Variants in PLCB1 observed in about 807,000 individuals in gnomAD.
The protein encoded by PLCB1 is 1-phosphatidylinositol 4,5-bisphosphate phosphodiesterase beta-1.
PLCB1 carries 46 observed loss-of-function variants against 161.8 expected under a neutral mutation model. The ratio of observed to expected loss-of-function variants is 0.28; its 90% CI spans 0.22 to 0.36. PLCB1 has a LOEUF of 0.36. PLCB1 is among the 10% of genes least tolerant of loss of function. The pLI is 1.00. For synonymous variants in PLCB1, 517 were observed against 503.7 expected, an observed-to-expected ratio of 1.03 and a Z score of -0.35; for missense variants, 1,016 against 1,472.5, an observed-to-expected ratio of 0.69 and a Z score of 5.07.
chr20:8,476,890 C>G (rs981195011), intron 3 of PLCB1, among the ~76,000 whole-genome samples: 10 of 152,072 alleles, frequency 6.6e-5, no homozygotes, highest in African/African-American at 2.4e-4. Context: ...GGCTCCCACC[C>G]CATCATATAG....
At chr20:8,572,425 G>A (rs1986551050) in intron 3 of PLCB1, among the ~76,000 whole-genome samples, 1 of 152,148 alleles carries the variant, frequency 6.6e-6, no homozygotes. Flanking sequence ...AGGATTATTG[G>A]TGTTTCATGT....
chr20:8,619,390 G>A (rs922951575), intron 3 of PLCB1, among the ~76,000 whole-genome samples: 2 of 151,146 alleles, frequency 1.3e-5, no homozygotes, highest in Non-Finnish European at 2.9e-5. Context: ...CGGCACTCCA[G>A]CCTGGGCGAC....
chr20:8,261,118 C>G lies in PLCB1; in HGVS notation c.178-110264C>G, dbSNP rs910118542. On this transcript the variant is annotated intron_variant, in intron 2 of 31. Transcript: ENST00000338037. ...GTCAAGCTCCTTCTACTGCCCCCTT[C>G]TGCTTCTCTTGATCTTTTAGAGGGT... 4.8e-4 allele frequency among the ~76,000 whole-genome samples: 73 copies of G among 152,172 alleles called. 1 individual carries two copies. The highest frequency in any genetic ancestry group is 1.7e-3 in the African/African-American group (71 of 41,436).
intron 27 of PLCB1, among the ~76,000 whole-genome samples, chr20:8,784,601 T>C (rs891249084): frequency 1.1e-4 from 17 of 150,176 alleles, no homozygotes; most frequent in African/African-American, 4.1e-4. Context: ...GAGGTGGGGC[T>C]GTGTAGTAAG....
intron 4 of PLCB1, among the ~76,000 whole-genome samples, chr20:8,636,755 T>C (rs1988774774): frequency 6.6e-6 from 1 of 152,140 alleles, no homozygotes. Flanking sequence ...AAACAATTAA[T>C]GTCAAACTGA....
intron 26 of PLCB1, among the ~76,000 whole-genome samples, chr20:8,771,437 G>A (rs563955379): frequency 6.6e-6 from 1 of 152,152 alleles, no homozygotes; most frequent in African/African-American, 2.4e-5. Context: ...CTTGAACACT[G>A]AATTCAGCTC....
chr20:8,484,401 G>A (rs189758061), intron 3 of PLCB1, among the ~76,000 whole-genome samples: 9 of 146,608 alleles, frequency 6.1e-5, no homozygotes, highest in East Asian at 2.0e-4. Context: ...TCCCTCTGTC[G>A]TCCAGGCTGG....
intron 12 of PLCB1, among the ~76,000 whole-genome samples, chr20:8,712,794 C>G (rs930017211): frequency 2.0e-5 from 3 of 152,188 alleles, no homozygotes; most frequent in Non-Finnish European, 4.4e-5. Flanking sequence ...ACCTCTGCCC[C>G]AGACGCTCAC....
intron 31 of PLCB1, among the ~76,000 whole-genome samples, chr20:8,828,449 A>T (rs1190596658): frequency 6.6e-6 from 1 of 152,194 alleles, no homozygotes; most frequent in East Asian, 1.9e-4. Context: ...GACAATGGAA[A>T]ATTATTTTGC....
At chr20:8,147,705 A>G (rs1177141035) in intron 1 of PLCB1, among the ~76,000 whole-genome samples, 1 of 152,166 alleles carries the variant, frequency 6.6e-6, no homozygotes, top group African/African-American at 2.4e-5. Context: ...GGGAGCCGAG[A>G]TAAATGATCA....
At chr20:8,634,635 A>C (rs189055054) in intron 4 of PLCB1, among the ~76,000 whole-genome samples, 7 of 152,358 alleles carry the variant, frequency 4.6e-5, no homozygotes, top group Admixed American at 3.3e-4. Flanking sequence ...TCATCTGCAT[A>C]AGAATGGCCT....
At chr20:8,462,088 A>G (rs903015341) in intron 3 of PLCB1, among the ~76,000 whole-genome samples, 5 of 152,090 alleles carry the variant, frequency 3.3e-5, no homozygotes, top group Non-Finnish European at 5.9e-5. Flanking sequence ...ATATAAACGT[A>G]TATATGTATT....
chr20:8,285,896 C>T (rs1360553269), intron 2 of PLCB1, among the ~76,000 whole-genome samples: 2 of 152,194 alleles, frequency 1.3e-5, no homozygotes, highest in South Asian at 2.1e-4. Flanking sequence ...TTTCTCTTCT[C>T]ACTAATATTT....
intron 31 of PLCB1, among the ~76,000 whole-genome samples, chr20:8,827,405 A>AT (rs1378992629): frequency 1.3e-5 from 2 of 152,184 alleles, no homozygotes; most frequent in Non-Finnish European, 2.9e-5. Context: ...AAAGGAAAGG[A>AT]TTTAGGGGTC....
intron 3 of PLCB1, among the ~76,000 whole-genome samples, chr20:8,453,121 G>A (rs1981147292): frequency 6.6e-6 from 1 of 152,134 alleles, no homozygotes; most frequent in African/African-American, 2.4e-5. Flanking sequence ...CTTTGTTTCT[G>A]GCATCGCATC....
chr20:8,576,407 A>G (rs1442504646), intron 3 of PLCB1, among the ~76,000 whole-genome samples: 1 of 152,206 alleles, frequency 6.6e-6, no homozygotes, highest in Non-Finnish European at 1.5e-5. Flanking sequence ...CTCTGATCAG[A>G]CATTCCTAAT....
intron 1 of PLCB1, among the ~76,000 whole-genome samples, chr20:8,145,403 A>G (rs1045969540): frequency 3.9e-5 from 6 of 152,158 alleles, no homozygotes; most frequent in African/African-American, 1.4e-4. Context: ...GGTACTGGGG[A>G]TTAGGACTTC....
intron 3 of PLCB1, among the ~76,000 whole-genome samples, chr20:8,378,965 ATTTTG>A: frequency 6.6e-6 from 1 of 152,046 alleles, no homozygotes; most frequent in East Asian, 1.9e-4. Flanking sequence ...TTTACTTCTT[ATTTTG>A]TTTTATGTTT....
At chr20:8,461,729 C>T (rs1014603270) in intron 3 of PLCB1, among the ~76,000 whole-genome samples, 2 of 152,084 alleles carry the variant, frequency 1.3e-5, no homozygotes, top group Admixed American at 6.6e-5. Context: ...GTAGTTTCGA[C>T]GGTCAAGGAG....
Sources: allele counts gnomAD v4.1 joint callset (sites outside exome capture counted in the v4.1 genomes callset), GRCh38; gene constraint gnomAD v4.1.1; transcripts MANE v1.5; gene names NCBI Gene and HGNC (gene_info 2026-07-23, HGNC 2026-07-21).